EFCAB6: variants seen among roughly 807,000 people sequenced by gnomAD.
EFCAB6 encodes EF-hand calcium binding domain 6.
EFCAB6 carries 156 observed loss-of-function variants against 169.8 expected under a neutral mutation model. The ratio of observed to expected loss-of-function variants is 0.92; its 90% confidence interval spans 0.81 to 1.05. The LOEUF (loss-of-function observed/expected upper bound fraction) is 1.05, where lower values mean the gene tolerates loss of function less well. EFCAB6 is among the 50% of genes least tolerant of loss of function. The probability of loss-of-function intolerance (pLI) is 0.00; values close to 1 mark genes in which losing one functional copy is unlikely to be tolerated. For synonymous variants in EFCAB6, 698 were observed against 676.4 expected (o/e 1.03, Z -0.50); for missense variants, 1,800 against 1,829.1 (o/e 0.98, Z 0.29).
chr22:43,800,164 C>T (rs970791354), intron 2 of EFCAB6, among the ~76,000 whole-genome samples: 4 of 152,146 alleles, frequency 2.6e-5, no homozygotes, highest in Non-Finnish European at 4.4e-5. Flanking sequence ...TCCTACTGGT[C>T]GCCTGGACAC....
At chr22:43,640,105 G>A (rs1440324139) in intron 17 of EFCAB6, among the ~76,000 whole-genome samples, 1 of 152,072 alleles carries the variant, frequency 6.6e-6, no homozygotes, top group East Asian at 1.9e-4. Context: ...GTCTTTGAGT[G>A]TTAATTCTAA....
chr22:43,685,347 G>A (rs945676200), intron 11 of EFCAB6, among the ~76,000 whole-genome samples: 29 of 151,990 alleles, frequency 1.9e-4, no homozygotes, highest in African/African-American at 6.3e-4. Flanking sequence ...GGAAGGGTGC[G>A]GGGGGAAGAT....
intron 24 of EFCAB6, among the ~76,000 whole-genome samples, chr22:43,587,423 A>C (rs367687407): frequency 5.9e-5 from 9 of 152,334 alleles, no homozygotes; most frequent in Admixed American, 6.5e-5. Flanking sequence ...TGGACACCGG[A>C]ATCTAAAATG....
chr22:43,582,548 T>C (rs898995475), intron 24 of EFCAB6, among the ~76,000 whole-genome samples: 39 of 152,254 alleles, frequency 2.6e-4, no homozygotes, highest in Non-Finnish European at 8.8e-5. Context: ...TGTCCACCCA[T>C]TCTTATGAGA....
chr22:43,776,269 GTAAGGAAGTGGAA>G (rs2148000483), intron 3 of EFCAB6, among the ~76,000 whole-genome samples: 1 of 152,308 alleles, frequency 6.6e-6, no homozygotes, highest in South Asian at 2.1e-4. Flanking sequence ...ACACTGACTT[GTAAGGAAGTGGAA>G]TTGATTCATT....
Position 43,628,306 on chromosome 22 carries a change from G to A in EFCAB6, c.2233-1627C>T, listed in dbSNP as rs1316547543. Among the ~76,000 whole-genome samples the A allele has an allele frequency of 6.6e-6, 1 of 151,980 alleles. No individual in the cohort carries two copies. Among genetic ancestry groups the A allele is most frequent in the Non-Finnish European group, 1.5e-5 (1 of 67,986 alleles). On this transcript the variant is annotated intron_variant, in intron 19 of 31. Coordinates refer to ENST00000262726, the MANE Select transcript of EFCAB6 (RefSeq NM_022785.4). The surrounding 1 kb of genome is among the most constrained non-coding windows in gnomAD (Gnocchi z 4.8). Reference sequence around the variant, plus strand: ...TCGCTTCCTCTCACACCCACATCCAGTCTGCCCACACATCCCGCTGGCTCT... The same window carrying A: ...TCGCTTCCTCTCACACCCACATCCAATCTGCCCACACATCCCGCTGGCTCT...
chr22:43,663,142 G>A (rs187676481), intron 17 of EFCAB6, among the ~76,000 whole-genome samples: 14 of 152,290 alleles, frequency 9.2e-5, no homozygotes, highest in South Asian at 2.1e-4. Flanking sequence ...TCACATCACC[G>A]TCATCGTTAT....
At chr22:43,671,734 T>A (rs2057502221) in intron 15 of EFCAB6, among the ~76,000 whole-genome samples, 1 of 152,194 alleles carries the variant, frequency 6.6e-6, no homozygotes, top group Non-Finnish European at 1.5e-5. Context: ...CAGACCTCTG[T>A]TTCTTTGTCC....
intron 27 of EFCAB6, among the ~76,000 whole-genome samples, chr22:43,543,650 T>A (rs942048350): frequency 6.6e-6 from 1 of 152,020 alleles, no homozygotes; most frequent in African/African-American, 2.4e-5. Context: ...ATGAGCCCAA[T>A]AGCCGCCAGA....
chr22:43,637,269 G>A (rs1374164398), intron 17 of EFCAB6, among the ~76,000 whole-genome samples: 2 of 152,208 alleles, frequency 1.3e-5, no homozygotes, highest in Non-Finnish European at 2.9e-5. Context: ...CTGTAGAAGG[G>A]AAGCCTCTTG....
chr22:43,757,777 A>G (rs1157703825), intron 5 of EFCAB6, among the ~76,000 whole-genome samples: 5 of 152,050 alleles, frequency 3.3e-5, no homozygotes, highest in Non-Finnish European at 5.9e-5. Context: ...TTCCCTTTAC[A>G]GGTGTTTTTC....
chr22:43,737,628 C>G (rs1169230532), intron 6 of EFCAB6, among the ~76,000 whole-genome samples: 1 of 150,102 alleles, frequency 6.7e-6, no homozygotes, highest in East Asian at 2.0e-4. Flanking sequence ...CACACACATG[C>G]AGATATTCAC....
intron 8 of EFCAB6, among the ~76,000 whole-genome samples, chr22:43,724,004 C>A (rs757238201): frequency 3.9e-5 from 6 of 152,210 alleles, no homozygotes; most frequent in Non-Finnish European, 5.9e-5. Context: ...TTAGCCACAT[C>A]CTTATTTTGT....
At chr22:43,608,703 A>T in intron 21 of EFCAB6, 103 bp from the exon 22 acceptor site, 1 of 1,021,854 alleles carries the variant, frequency 9.8e-7, no homozygotes, top group Non-Finnish European at 1.5e-6. Flanking sequence ...AGGCATCTGT[A>T]TCCCCATCCA....
chr22:43,598,777 T>C (rs968992624), intron 23 of EFCAB6, among the ~76,000 whole-genome samples: 2 of 152,170 alleles, frequency 1.3e-5, no homozygotes, highest in African/African-American at 2.4e-5. Flanking sequence ...GCTCCTACTA[T>C]GTACCCACAC....
intron 17 of EFCAB6, among the ~76,000 whole-genome samples, chr22:43,660,824 C>G (rs749115026): frequency 6.6e-6 from 1 of 152,152 alleles, no homozygotes; most frequent in Non-Finnish European, 1.5e-5. Context: ...CTAAAAGCAA[C>G]CAGGGTGTCT....
At chr22:43,769,176 G>A (rs1485396471) in intron 4 of EFCAB6, among the ~76,000 whole-genome samples, 2 of 152,218 alleles carry the variant, frequency 1.3e-5, no homozygotes, top group African/African-American at 4.8e-5. Context: ...AAAAAGGAAT[G>A]AGGTACAAAT....
At chr22:43,739,924 AG>A (rs2060304355) in intron 6 of EFCAB6, among the ~76,000 whole-genome samples, 1 of 151,512 alleles carries the variant, frequency 6.6e-6, no homozygotes, top group Non-Finnish European at 1.5e-5. Flanking sequence ...AAAACCCCCC[AG>A]GGCTCCCATT....
intron 2 of EFCAB6, among the ~76,000 whole-genome samples, chr22:43,797,949 C>T (rs994209830): frequency 9.2e-5 from 14 of 152,208 alleles, no homozygotes; most frequent in Admixed American, 7.2e-4. Flanking sequence ...CCCTCTCTGA[C>T]TAATGAATGC....
Sources: allele counts gnomAD v4.1 joint callset (sites outside exome capture counted in the v4.1 genomes callset), GRCh38; gene constraint gnomAD v4.1.1; non-coding constraint Gnocchi (gnomAD v3.1); transcripts MANE v1.5; gene names NCBI Gene and HGNC (gene_info 2026-07-23, HGNC 2026-07-21).